The following XKR6 variants were observed in gnomAD, a reference collection of about 807,000 sequenced individuals.
XKR6 encodes XK related 6.
A neutral mutation model predicts 56.7 loss-of-function variants in XKR6; 22 were observed. That is an observed-to-expected ratio of 0.39 (90% CI 0.28 to 0.55). The LOEUF is 0.55. Among genes scored for constraint, XKR6 ranks in the 20% least tolerant of loss-of-function variants. The pLI, the probability that XKR6 is intolerant of heterozygous loss-of-function variation, is 0.66. For missense variants in XKR6, 852 were observed against 889.0 expected (o/e 0.96, Z 0.53); for synonymous variants, 524 against 387.8 (o/e 1.35, Z -4.13).
At chr8:10,992,286 C>G (rs1476366638) in intron 1 of XKR6, among the ~76,000 whole-genome samples, 1 of 143,884 alleles carries the variant, frequency 7.0e-6, no homozygotes, top group East Asian at 1.9e-4. Flanking sequence ...CTCTCTCTCT[C>G]TCACACACAC....
At chr8:10,985,232 T>C (rs1158834409) in intron 1 of XKR6, among the ~76,000 whole-genome samples, 7 of 152,118 alleles carry the variant, frequency 4.6e-5, no homozygotes, top group Non-Finnish European at 1.5e-5. Context: ...TGGGAGGTAA[T>C]TGAATCATGG....
intron 1 of XKR6, among the ~76,000 whole-genome samples, chr8:11,049,317 C>T (rs1219017081): frequency 6.6e-6 from 1 of 152,222 alleles, no homozygotes; most frequent in Non-Finnish European, 1.5e-5. Flanking sequence ...ATCTGTTCCC[C>T]CTTTTCTCAG....
At chr8:11,121,790 G>A (rs1799469385) in intron 1 of XKR6, among the ~76,000 whole-genome samples, 1 of 152,182 alleles carries the variant, frequency 6.6e-6, no homozygotes, top group African/African-American at 2.4e-5. Flanking sequence ...CAACCCAAAT[G>A]TCCAACAATG....
rs1804107679 is a variant in XKR6, at chr8:11,199,913, T to C, written c.764+663A>G. Among the ~76,000 whole-genome samples, 3 of 151,722 alleles carry C rather than the reference T, an allele frequency of 2.0e-5. No homozygotes were observed. In the South Asian group the frequency reaches 6.2e-4, roughly 31 times the overall value. On this transcript the variant is annotated intron_variant, in intron 1 of 2. Transcript: ENST00000416569. The stretch of plus-strand genomic sequence containing the variant: ...AGTTAACACCAAACGCTCGCGCCCA[T>C]CACATTTTATCCCATTTTTACCTGT...
At chr8:10,970,772 G>T (rs1462113350) in intron 1 of XKR6, among the ~76,000 whole-genome samples, 1 of 138,076 alleles carries the variant, frequency 7.2e-6, no homozygotes, top group Non-Finnish European at 1.5e-5. Context: ...TTTGCCCTTA[G>T]ATTTTATAAA....
chr8:11,041,258 G>A (rs1251979524), intron 1 of XKR6, among the ~76,000 whole-genome samples: 2 of 152,118 alleles, frequency 1.3e-5, no homozygotes, highest in Non-Finnish European at 2.9e-5. Context: ...AAAACATTGT[G>A]CAAAGAGCAT....
At chr8:11,083,999 G>A (rs1797807906) in intron 1 of XKR6, among the ~76,000 whole-genome samples, 1 of 152,164 alleles carries the variant, frequency 6.6e-6, no homozygotes, top group South Asian at 2.1e-4. Flanking sequence ...TTAGGAATCT[G>A]GAGAAAAAGG....
At chr8:10,922,898 T>G (rs1446192485) in intron 2 of XKR6, among the ~76,000 whole-genome samples, 1 of 152,238 alleles carries the variant, frequency 6.6e-6, no homozygotes, top group Non-Finnish European at 1.5e-5. Flanking sequence ...ATGTCCCAGC[T>G]GGAGCCGGAC....
chr8:10,897,765 A>G lies in XKR6; in HGVS notation c.*187T>C. ...TTGTATACATACAGCGACTGGAAAG[A>G]AAGCTTATTTGAAGGGGTTGTGACT... On this transcript the variant is annotated 3_prime_UTR_variant, in exon 3 of 3. Transcript: ENST00000416569. 2 of 626,048 alleles carry G rather than the reference A, an allele frequency of 3.2e-6. No individual in the cohort carries two copies. Among genetic ancestry groups the G allele is most frequent in the Non-Finnish European group, 2.5e-6 (1 of 401,250 alleles). 38.8% of individuals were successfully genotyped at this position (626,048 alleles called of 1,614,324 possible).
At chr8:10,912,530 T>C (rs1373384796) in intron 2 of XKR6, among the ~76,000 whole-genome samples, 1 of 131,740 alleles carries the variant, frequency 7.6e-6, no homozygotes, top group African/African-American at 2.9e-5. Context: ...AGAGAGTGAG[T>C]ATATATAGAG....
intron 1 of XKR6, chr8:11,137,738 G>A (rs958566287): frequency 6.6e-6 from 3 of 455,866 alleles, no homozygotes; most frequent in Admixed American, 2.4e-5. Context: ...AAAACCAGTT[G>A]GCTCTGAATC....
At chr8:11,134,520 C>T (rs1800281142) in intron 1 of XKR6, among the ~76,000 whole-genome samples, 1 of 152,154 alleles carries the variant, frequency 6.6e-6, no homozygotes, top group South Asian at 2.1e-4. Flanking sequence ...GGCAGGCATT[C>T]AGTGGGTGCC....
In XKR6 at chr8:11,192,163, T is replaced by A. The variant is rs529446940; in HGVS notation, c.764+8413A>T. ...CAAGACCCCATCTCTACAAAAAAAA[T>A]TTTTTTTTTTTGTGAGGTGGAGTCT... On this transcript the variant is annotated intron_variant, in intron 1 of 2. Coordinates refer to ENST00000416569, the MANE Select transcript of XKR6 (RefSeq NM_173683.4). Among the ~76,000 whole-genome samples the A allele has an allele frequency of 1.6e-3, 233 of 147,108 alleles. 2 individuals are homozygous for A. Among genetic ancestry groups the A allele is most frequent in the South Asian group, 0.013 (63 of 4,670 alleles).
At chr8:11,092,093 G>T (rs1281688330) in intron 1 of XKR6, among the ~76,000 whole-genome samples, 1 of 152,168 alleles carries the variant, frequency 6.6e-6, no homozygotes, top group Non-Finnish European at 1.5e-5. Context: ...TAGCAAGTGA[G>T]ATAAACAAAG....
At chr8:11,186,503 A>G (rs1177574856) in intron 1 of XKR6, among the ~76,000 whole-genome samples, 1 of 152,012 alleles carries the variant, frequency 6.6e-6, no homozygotes, top group African/African-American at 2.4e-5. Flanking sequence ...CAGCCTCCCA[A>G]CTAGCTGGGA....
At chr8:11,067,305 T>G (rs1171164101) in intron 1 of XKR6, among the ~76,000 whole-genome samples, 1 of 152,136 alleles carries the variant, frequency 6.6e-6, no homozygotes, top group Non-Finnish European at 1.5e-5. Context: ...GCATCCTCTG[T>G]GGATTCCCTT....
chr8:10,968,436 T>C (rs986157728), intron 1 of XKR6, among the ~76,000 whole-genome samples: 6 of 152,244 alleles, frequency 3.9e-5, no homozygotes, highest in African/African-American at 1.4e-4. Context: ...CTCCCCAGCT[T>C]TGTGCCCTCA....
At chr8:11,150,542 G>C (rs1323402608) in intron 1 of XKR6, among the ~76,000 whole-genome samples, 2 of 152,062 alleles carry the variant, frequency 1.3e-5, no homozygotes, top group African/African-American at 4.8e-5. Flanking sequence ...AGAGGAGCTG[G>C]ACAGAATGAT....
intron 1 of XKR6, among the ~76,000 whole-genome samples, chr8:11,013,043 G>A (rs1798536193): frequency 2.6e-5 from 4 of 152,158 alleles, no homozygotes; most frequent in Admixed American, 2.6e-4. Flanking sequence ...CGAGGCCCAG[G>A]GAGGGGAAGT....
Sources: allele counts gnomAD v4.1 joint callset (sites outside exome capture counted in the v4.1 genomes callset), GRCh38; gene constraint gnomAD v4.1.1; transcripts MANE v1.5; gene names NCBI Gene and HGNC (gene_info 2026-07-23, HGNC 2026-07-21).